The following RTL4 variants were observed in gnomAD, a reference collection of about 807,000 sequenced individuals.
The protein encoded by RTL4 is retrotransposon Gag like 4.
Under a neutral mutation model 5.3 loss-of-function variants are expected in RTL4, and 4 were observed. The observed-to-expected ratio is 0.75, with a 90% CI of 0.37 to 1.72. RTL4 has a LOEUF of 1.72. Ranked by LOEUF, RTL4 falls within the 40% of genes most tolerant of loss-of-function variation. The pLI, the probability that RTL4 is intolerant of heterozygous loss-of-function variation, is 0.04. For synonymous variants in RTL4, 98 were observed against 87.3 expected (o/e 1.12, Z -0.68); for missense variants, 260 against 227.1 (o/e 1.14, Z -0.93).
the RTL4 span, among the ~76,000 whole-genome samples, chrX:112,296,366 C>A: frequency 1.8e-5 from 2 of 111,341 alleles, no homozygotes; most frequent in Non-Finnish European, 3.8e-5. Flanking sequence ...AATTCCTGAA[C>A]GTGTTCCAGG....
the RTL4 span, among the ~76,000 whole-genome samples, chrX:112,213,075 T>A: frequency 5.6e-4 from 63 of 112,592 alleles, 1 homozygote; most frequent in East Asian, 0.014. Flanking sequence ...CACTTTTGTA[T>A]CTCTATTCCA....
chrX:112,258,531 G>A, the RTL4 span, among the ~76,000 whole-genome samples: 1 of 111,549 alleles, frequency 9.0e-6, no homozygotes, highest in African/African-American at 3.3e-5. Context: ...GCATTTTAAA[G>A]TTTGTCTGTG....
chrX:112,377,737 G>C, the RTL4 span, among the ~76,000 whole-genome samples: 1 of 111,758 alleles, frequency 8.9e-6, no homozygotes, highest in Non-Finnish European at 1.9e-5. Flanking sequence ...AAGCAGCCTT[G>C]TTGTTTGAGA....
At chrX:112,211,221 T>A in the RTL4 span, among the ~76,000 whole-genome samples, 1 of 112,012 alleles carries the variant, frequency 8.9e-6, no homozygotes, top group Non-Finnish European at 1.9e-5. Flanking sequence ...AATGTTCATT[T>A]AATTTTAACG....
the RTL4 span, among the ~76,000 whole-genome samples, chrX:112,154,672 G>A: frequency 8.9e-6 from 1 of 111,977 alleles, no homozygotes; most frequent in Non-Finnish European, 1.9e-5. Context: ...CCTTTGCAGA[G>A]GGGCTTTGTA....
At chrX:112,111,942 C>T in the RTL4 span, among the ~76,000 whole-genome samples, 11 of 111,702 alleles carry the variant, frequency 9.8e-5, no homozygotes, top group Admixed American at 1.9e-4. Context: ...TTTGAAGCAC[C>T]GGTTCCTCAA....
At chrX:112,115,340 G>A in the RTL4 span, among the ~76,000 whole-genome samples, 2 of 111,243 alleles carry the variant, frequency 1.8e-5, no homozygotes, top group African/African-American at 6.5e-5. Context: ...AGATTTAGTG[G>A]CCCTTACCGA....
chrX:112,277,358 G>A, the RTL4 span, among the ~76,000 whole-genome samples: 1 of 111,799 alleles, frequency 8.9e-6, no homozygotes, highest in Non-Finnish European at 1.9e-5. Flanking sequence ...TGACCTTGGA[G>A]AGTTCATCAA....
At chrX:112,121,990 T>C in the RTL4 span, among the ~76,000 whole-genome samples, 8,476 of 111,387 alleles carry the variant, frequency 0.076, 583 homozygotes, top group African/African-American at 0.21. Context: ...TAAGGAGATT[T>C]TAAAAACCTA....
chrX:112,336,195 G>C, the RTL4 span, among the ~76,000 whole-genome samples: 1 of 111,639 alleles, frequency 9.0e-6, no homozygotes, highest in Non-Finnish European at 1.9e-5. Context: ...TATTTTCTCT[G>C]TTTGAGAGAT....
chrX:112,212,264 A>C, the RTL4 span, among the ~76,000 whole-genome samples: 16 of 111,030 alleles, frequency 1.4e-4, no homozygotes, highest in Admixed American at 3.8e-4. Context: ...GTAGTCCCAG[A>C]TGCTCGGGAG....
the RTL4 span, chrX:112,319,869 C>A: frequency 8.9e-6 from 1 of 112,015 alleles, no homozygotes; most frequent in Non-Finnish European, 1.9e-5. Flanking sequence ...CATTACAAAT[C>A]ATTACAACAT....
chrX:112,425,825 G>T, the RTL4 span, among the ~76,000 whole-genome samples: 3 of 111,090 alleles, frequency 2.7e-5, no homozygotes, highest in South Asian at 1.1e-3. Flanking sequence ...GTATATTTTG[G>T]ACAACAGTCC....
chrX:112,369,155 G>A, the RTL4 span, among the ~76,000 whole-genome samples: 1 of 112,952 alleles, frequency 8.9e-6, no homozygotes, highest in Non-Finnish European at 1.9e-5. Flanking sequence ...GCTATCTCCT[G>A]AAATTATCCT....
At chrX:112,159,989 A>C in the RTL4 span, among the ~76,000 whole-genome samples, 2 of 110,983 alleles carry the variant, frequency 1.8e-5, no homozygotes. Context: ...TCCTCCTCAC[A>C]TCTACCTCTT....
At chrX:112,398,601 A>G in the RTL4 span, among the ~76,000 whole-genome samples, 7 of 109,330 alleles carry the variant, frequency 6.4e-5, no homozygotes, top group African/African-American at 1.0e-4. Context: ...GGTTTTCACC[A>G]TGTTAGCCAG....
chrX:112,286,552 A>T, the RTL4 span, among the ~76,000 whole-genome samples: 2 of 111,710 alleles, frequency 1.8e-5, no homozygotes, highest in Non-Finnish European at 3.8e-5. Context: ...AGGGGAAATG[A>T]TGGACTAGAG....
chrX:112,099,827 A>T, the RTL4 span, among the ~76,000 whole-genome samples: 1 of 111,897 alleles, frequency 8.9e-6, no homozygotes, highest in South Asian at 3.7e-4. Context: ...TAGTCCAAGC[A>T]AAAGACAATA....
At chrX:112,086,322 C>T in the RTL4 span, among the ~76,000 whole-genome samples, 2 of 112,468 alleles carry the variant, frequency 1.8e-5, no homozygotes, top group East Asian at 5.6e-4. Flanking sequence ...AATTTGAAAG[C>T]AGGTTTTTGT....
Sources: allele counts gnomAD v4.1 joint callset (sites outside exome capture counted in the v4.1 genomes callset), GRCh38; gene constraint gnomAD v4.1.1; transcripts MANE v1.5; gene names NCBI Gene and HGNC (gene_info 2026-07-23, HGNC 2026-07-21).